The following PCSK5 variants were observed in gnomAD, a reference collection of about 807,000 sequenced individuals.
The protein encoded by PCSK5 is proprotein convertase subtilisin/kexin type 5.
In PCSK5, 129 loss-of-function variants were observed where a neutral mutation model predicts 233.2. That is an observed-to-expected ratio of 0.55 (90% CI 0.48 to 0.64). The LOEUF is 0.64. Among genes scored for constraint, PCSK5 ranks in the 30% least tolerant of loss-of-function variants. The probability of loss-of-function intolerance (pLI) is 0.00; values close to 1 mark genes in which losing one functional copy is unlikely to be tolerated. For missense variants in PCSK5, 2,076 were observed against 2,430.1 expected (o/e 0.85, Z 3.06); for synonymous variants, 825 against 879.2 (o/e 0.94, Z 1.09).
intron 7 of PCSK5, among the ~76,000 whole-genome samples, chr9:76,086,919 T>C (rs1564017723): frequency 6.6e-6 from 1 of 152,222 alleles, no homozygotes; most frequent in African/African-American, 2.4e-5. Context: ...TTCCTGAATA[T>C]ACAGAATATC....
At position 76,169,778 on chromosome 9, in the gene PCSK5, C is replaced by T; in HGVS notation, c.1694C>T (p.Ala565Val). ...MTIHCWGERA[A>V]GDWVLEVYDT... is the part of the protein sequence containing the mutation. ...ATTCATTGCTGGGGAGAAAGAGCTG[C>T]TGGTGACTGGGTCCTTGAAGTTTAT... Residue 565 changes from alanine (A) to valine (V), a missense_variant, in exon 13 of 38, where the codon GCT becomes GTT. Ala to Val is a moderately conservative substitution (Grantham distance 64, BLOSUM62 0). Around this residue, in one of 6 missense-constraint regions of PCSK5, gnomAD observed 50 missense variants for 104.7 expected, o/e 0.48. Transcript: ENST00000674117. The T allele has an allele frequency of 6.2e-7, 1 of 1,613,620 alleles. No homozygotes were observed. Among genetic ancestry groups the T allele is most frequent in the Non-Finnish European group, 8.5e-7 (1 of 1,179,554 alleles).
At chr9:76,160,056 C>T (rs549380435) in intron 12 of PCSK5, among the ~76,000 whole-genome samples, 17 of 152,042 alleles carry the variant, frequency 1.1e-4, no homozygotes, top group Non-Finnish European at 2.1e-4. Context: ...CTCCTGACCT[C>T]GTGATCCATC....
At chr9:76,324,524 C>T (rs1212317480) in intron 32 of PCSK5, among the ~76,000 whole-genome samples, 1 of 152,114 alleles carries the variant, frequency 6.6e-6, no homozygotes, top group Non-Finnish European at 1.5e-5. Flanking sequence ...AGCCACCGCG[C>T]CCAGCCTCCC....
intron 14 of PCSK5, among the ~76,000 whole-genome samples, chr9:76,176,574 T>C (rs1823625044): frequency 6.6e-6 from 1 of 152,252 alleles, no homozygotes; most frequent in Non-Finnish European, 1.5e-5. Context: ...AGAATTGTTT[T>C]TGCAACATAC....
rs552424583 is a variant in PCSK5, at chr9:76,122,101, G to A, written c.1209-12008G>A. On this transcript the variant is annotated intron_variant, in intron 9 of 37. Coordinates refer to ENST00000674117, the MANE Select transcript of PCSK5 (RefSeq NM_001372043.1). Reference sequence around the variant, plus strand: ...GCCTCCCAAAGTGCTGGGATTACAGGCGTGAGCCACCGCGCCCGGCCTTGG... The same window carrying A: ...GCCTCCCAAAGTGCTGGGATTACAGACGTGAGCCACCGCGCCCGGCCTTGG... Among the ~76,000 whole-genome samples, 5 of 43,744 alleles carry A rather than the reference G, an allele frequency of 1.1e-4. 2 individuals carry two copies. Among genetic ancestry groups the A allele is most frequent in the South Asian group, 6.6e-4 (1 of 1,506 alleles). The allele number at this position is 43,744 out of a possible 152,430, so 28.7% of individuals were successfully genotyped here.
chr9:75,996,947 T>C (rs1235193908), intron 3 of PCSK5, among the ~76,000 whole-genome samples: 1 of 152,172 alleles, frequency 6.6e-6, no homozygotes, highest in Non-Finnish European at 1.5e-5. Context: ...AACATGTTGA[T>C]TCAAGTTCTT....
rs1194200348 is a variant in PCSK5, at chr9:76,331,584, G to A, written c.4571-849G>A. On this transcript the variant is annotated intron_variant, in intron 33 of 37. Coordinates refer to ENST00000674117, the MANE Select transcript of PCSK5 (RefSeq NM_001372043.1). The stretch of plus-strand genomic sequence containing the variant: ...CGGGAGGCTTAGGCAGGAGAATGGT[G>A]TGAACCCGGAAGGTGGAGCTTGCAG... Among the ~76,000 whole-genome samples, 3 of 151,612 alleles carry A rather than the reference G, an allele frequency of 2.0e-5. No individual in the cohort carries two copies. In the East Asian group the frequency reaches 5.8e-4, roughly 29 times the overall value.
At chr9:76,174,487 T>C (rs575844429) in intron 13 of PCSK5, among the ~76,000 whole-genome samples, 4 of 152,070 alleles carry the variant, frequency 2.6e-5, no homozygotes, top group Middle Eastern at 3.4e-3. Flanking sequence ...TTTTTTTGTA[T>C]TTTTAGTAGA....
intron 1 of PCSK5, among the ~76,000 whole-genome samples, chr9:75,902,222 A>AAAAAAAAAAAAAAAAAC (rs1826070758): frequency 9.1e-6 from 1 of 110,196 alleles, no homozygotes. Flanking sequence ...TCTAAAAAAA[A>AAAAAAAAAAAAAAAAAC]AAAAAAAAAA....
At position 76,238,956 on chromosome 9, in the gene PCSK5, CA is replaced by C; in HGVS notation, c.2867-2del. On this transcript the variant is annotated splice_acceptor_variant, in intron 22 of 37. Coordinates refer to ENST00000674117, the MANE Select transcript of PCSK5 (RefSeq NM_001372043.1). LOFTEE classifies it high-confidence loss of function. ...TCTTTTCGTTGCCCCTGTAACTGAT[CA>C]GACAACTATGGCCGAGAGCACTTCC... The C allele has an allele frequency of 6.2e-7, 1 of 1,609,822 alleles. No individual in the cohort carries two copies. Among genetic ancestry groups the C allele is most frequent in the Non-Finnish European group, 8.5e-7 (1 of 1,177,672 alleles).
At chr9:76,120,847 C>T (rs1159080405) in intron 9 of PCSK5, among the ~76,000 whole-genome samples, 1 of 151,962 alleles carries the variant, frequency 6.6e-6, no homozygotes, top group Non-Finnish European at 1.5e-5. Flanking sequence ...ACTATTATTT[C>T]CTGGATAGCC....
chr9:76,238,860 TCA>T (rs2131326902), intron 22 of PCSK5, 97 bp from the exon 23 acceptor site: 1 of 871,850 alleles, frequency 1.1e-6, no homozygotes, highest in African/African-American at 1.7e-5. Context: ...AAAAAAGCAC[TCA>T]GTCGCATCTT....
intron 24 of PCSK5, among the ~76,000 whole-genome samples, chr9:76,273,957 G>A (rs1827612294): frequency 6.6e-6 from 1 of 151,168 alleles, no homozygotes; most frequent in South Asian, 2.1e-4. Flanking sequence ...CAGATTGGTG[G>A]GTTTTGTTTT....
At chr9:76,319,367 A>G (rs1395526951) in intron 30 of PCSK5, among the ~76,000 whole-genome samples, 1 of 149,036 alleles carries the variant, frequency 6.7e-6, no homozygotes, top group Admixed American at 6.7e-5. Flanking sequence ...TAGTCATAAT[A>G]CAAATTAGAT....
chr9:76,154,175 G>A (rs750383634), intron 10 of PCSK5, among the ~76,000 whole-genome samples: 15 of 152,088 alleles, frequency 9.9e-5, no homozygotes, highest in Non-Finnish European at 2.1e-4. Flanking sequence ...TATTATATTA[G>A]TATGAAGTTT....
chr9:76,136,890 T>G (rs563171744), intron 10 of PCSK5, among the ~76,000 whole-genome samples: 14 of 152,050 alleles, frequency 9.2e-5, no homozygotes, highest in Non-Finnish European at 1.8e-4. Context: ...TCACTAGACT[T>G]GATAGTCTTT....
chr9:76,025,850 C>A (rs1828400676), intron 4 of PCSK5, among the ~76,000 whole-genome samples: 1 of 152,056 alleles, frequency 6.6e-6, no homozygotes, highest in South Asian at 2.1e-4. Flanking sequence ...TTCTACTATA[C>A]TAAAATGAAT....
intron 9 of PCSK5, among the ~76,000 whole-genome samples, chr9:76,117,900 C>T (rs556340621): frequency 4.6e-5 from 7 of 152,218 alleles, no homozygotes; most frequent in Middle Eastern, 3.4e-3. Flanking sequence ...TCAGCAGAGT[C>T]TGCTTGTCAT....
At position 76,321,742 on chromosome 9, in the gene PCSK5, C is replaced by T. The variant is rs1289619947; in HGVS notation, c.4102+103C>T. 5 of 678,840 alleles carry T rather than the reference C, an allele frequency of 7.4e-6. No homozygotes were observed. The East Asian group carries it at 1.4e-4, about 18-fold the overall frequency. The allele number at this position is 678,840 out of a possible 1,614,324, so 42.1% of individuals were successfully genotyped here. The stretch of plus-strand genomic sequence containing the variant: ...CAAAGAGCTGTGGGAACCAGTCTCC[C>T]TACCATTCCTGAAAGGTATGTCTCT... On this transcript the variant is annotated intron_variant, in intron 31 of 37. Coordinates refer to ENST00000674117, the MANE Select transcript of PCSK5 (RefSeq NM_001372043.1).
Sources: gnomAD v4.1 joint callset for allele counts (sites outside exome capture counted in the v4.1 genomes callset) on GRCh38, gnomAD v4.1.1 for gene constraint, gnomAD v4.1.1 regional missense constraint, MANE v1.5 for transcripts, NCBI Gene and HGNC (gene_info 2026-07-23, HGNC 2026-07-21) for gene names.